CACNA1D: variants seen among roughly 807,000 people sequenced by gnomAD.
CACNA1D encodes the protein calcium voltage-gated channel subunit alpha1 D.
A neutral mutation model predicts 257.1 loss-of-function variants in CACNA1D; 55 were observed. The observed-to-expected ratio is 0.21, with a 90% CI of 0.17 to 0.27. The LOEUF (loss-of-function observed/expected upper bound fraction) is 0.27, where lower values mean the gene tolerates loss of function less well. Ranked by LOEUF, CACNA1D falls within the 10% of genes least tolerant of loss-of-function variation. The probability of loss-of-function intolerance (pLI) is 1.00; values close to 1 mark genes in which losing one functional copy is unlikely to be tolerated. For missense variants in CACNA1D, 1,876 were observed against 2,784.0 expected, an observed-to-expected ratio of 0.67 and a Z score of 7.34; for synonymous variants, 980 against 1,014.9, an observed-to-expected ratio of 0.97 and a Z score of 0.65.
intron 8 of CACNA1D, among the ~76,000 whole-genome samples, chr3:53,696,287 C>T (rs1446720364): frequency 6.6e-6 from 1 of 152,228 alleles, no homozygotes; most frequent in South Asian, 2.1e-4. Flanking sequence ...GGTTTTGATC[C>T]TCATCCTCCT....
Position 53,602,796 on chromosome 3 carries a change from CT to C in CACNA1D, c.484-47975del, listed in dbSNP as rs112085861. Among the ~76,000 whole-genome samples, 491 of 152,130 alleles carry C rather than the reference CT, an allele frequency of 3.2e-3. 2 individuals carry two copies. The highest frequency in any genetic ancestry group is 0.011 in the African/African-American group (456 of 41,486). ...TCTTTTGCCCATTTTTTAAATTGGG[CT>C]TTTTTTTCCCCCTATTGAGTTGTCT... On this transcript the variant is annotated intron_variant, in intron 3 of 47. Transcript: ENST00000350061.
intron 3 of CACNA1D, chr3:53,530,176 G>A (rs2091902002): frequency 6.6e-6 from 1 of 152,236 alleles, no homozygotes; most frequent in Non-Finnish European, 1.5e-5. Flanking sequence ...AGAAAACGAA[G>A]CATCAATTTC....
chr3:53,498,901 G>A (rs1440601526), intron 2 of CACNA1D, among the ~76,000 whole-genome samples: 2 of 152,160 alleles, frequency 1.3e-5, no homozygotes, highest in East Asian at 1.9e-4. Flanking sequence ...ACATAGCTGG[G>A]GTTGTGTGTG....
At chr3:53,779,407 ATGTG>A (rs139851282) in intron 37 of CACNA1D, among the ~76,000 whole-genome samples, 5 of 150,364 alleles carry the variant, frequency 3.3e-5, no homozygotes, top group Non-Finnish European at 5.9e-5. Flanking sequence ...ATATGTATGT[ATGTG>A]TGTGTGTGTG....
Position 53,742,004 on chromosome 3 carries a change from T to A in CACNA1D, c.2812-1007T>A, listed in dbSNP as rs79372128. Among the ~76,000 whole-genome samples the A allele has an allele frequency of 1.0e-2, 1,521 of 152,286 alleles. 30 individuals are homozygous for A. The highest frequency in any genetic ancestry group is 0.034 in the African/African-American group (1,398 of 41,542). On this transcript the variant is annotated intron_variant, in intron 21 of 47. Transcript: ENST00000350061. ...AGTCATTCTTCATTTTGAAGGTATT[T>A]TAGAGAATGGAAAATAAGCTAAAAC...
At chr3:53,635,897 G>A (rs375698713) in intron 3 of CACNA1D, among the ~76,000 whole-genome samples, 4 of 152,118 alleles carry the variant, frequency 2.6e-5, no homozygotes, top group African/African-American at 7.2e-5. Flanking sequence ...CTCGCTGCCC[G>A]ACCCTGCCTG....
intron 23 of CACNA1D, 47 bp from the exon 24 acceptor site, chr3:53,745,577 A>G (rs746464473): frequency 7.8e-7 from 1 of 1,274,582 alleles, no homozygotes; most frequent in Non-Finnish European, 1.1e-6. Context: ...GCTCACCTCA[A>G]GGCCAAAATC....
chr3:53,758,863 GTATCT>G, intron 29 of CACNA1D, among the ~76,000 whole-genome samples: 1 of 152,008 alleles, frequency 6.6e-6, no homozygotes, highest in South Asian at 2.1e-4. Flanking sequence ...GTCATTTCTT[GTATCT>G]TATCTTCTGG....
intron 3 of CACNA1D, among the ~76,000 whole-genome samples, chr3:53,548,302 G>A (rs1363149790): frequency 1.4e-5 from 2 of 146,906 alleles, no homozygotes; most frequent in South Asian, 4.3e-4. Flanking sequence ...CTGGAGAGCT[G>A]AATTTTCCAG....
intron 40 of CACNA1D, among the ~76,000 whole-genome samples, chr3:53,799,676 G>A (rs1343755443): frequency 2.6e-5 from 4 of 152,204 alleles, no homozygotes; most frequent in South Asian, 2.1e-4. Context: ...CTGCTCCGTC[G>A]TGGTCCGAGT....
At position 53,774,540 on chromosome 3, in the gene CACNA1D, T is replaced by C; in HGVS notation, c.4111-47T>C. The C allele has an allele frequency of 8.7e-7, 1 of 1,148,488 alleles. No homozygotes were observed. The highest frequency in any genetic ancestry group is 1.2e-5 in the South Asian group (1 of 81,758). 71.1% of individuals were successfully genotyped at this position (1,148,488 alleles called of 1,614,324 possible). On this transcript the variant is annotated intron_variant, in intron 33 of 47. Coordinates refer to ENST00000350061, the MANE Select transcript of CACNA1D (RefSeq NM_001128840.3). This position sits in a 1 kb window ranked among gnomAD's most constrained non-coding sequence, Gnocchi z 4.3. The stretch of plus-strand genomic sequence containing the variant: ...TCTAAATTCACATACGGATTTTTTT[T>C]GCATGACGAAATCTATTCTCTTTTT...
chr3:53,731,815 CCTT>C (rs2094995777), intron 17 of CACNA1D, among the ~76,000 whole-genome samples, 198 bp from the exon 18 acceptor site: 2 of 152,340 alleles, frequency 1.3e-5, no homozygotes, highest in Admixed American at 1.3e-4. Flanking sequence ...CAGGGTTCAG[CCTT>C]CTTCTCACCT....
intron 22 of CACNA1D, among the ~76,000 whole-genome samples, chr3:53,743,446 G>A (rs1013667143): frequency 2.6e-5 from 4 of 152,234 alleles, no homozygotes; most frequent in Admixed American, 2.6e-4. Flanking sequence ...GGCCTTGAGG[G>A]CATCCTCTCT....
In CACNA1D at chr3:53,718,359, C is replaced by T. The variant is rs780947853; in HGVS notation, c.1449C>T (p.Gly483=). The T allele has an allele frequency of 4.3e-6, 7 of 1,614,106 alleles. No homozygotes were observed. Among genetic ancestry groups the T allele is most frequent in the East Asian group, 4.5e-5 (2 of 44,888 alleles). The change falls in exon 10 of 48, where the codon GGC becomes GGT. Residue 483 remains glycine (G), a synonymous_variant. Transcript: ENST00000350061. The stretch of plus-strand genomic sequence containing the variant: ...ACACAGAGAACGTCAGCGGTGAAGG[C>T]GAGAACCGAGGCTGCTGTGGAAGTC... ...SVNTENVSGE[G]ENRGCCGSLC...
rs1018331644 is a variant in CACNA1D, at chr3:53,673,875, G to A, written c.1220+749G>A. 6.7e-6 allele frequency: 7 copies of A among 1,038,018 alleles called. No homozygotes were observed. Among genetic ancestry groups the A allele is most frequent in the African/African-American group, 1.6e-5 (1 of 63,816 alleles). 64.3% of individuals were successfully genotyped at this position (1,038,018 alleles called of 1,614,324 possible). ...GCTGCCACGTGTGAGGCAACTCTGCGTGTCTCCTAGCTGCTCCCTGACAGC... is the reference window on the plus strand; with the variant it reads ...GCTGCCACGTGTGAGGCAACTCTGCATGTCTCCTAGCTGCTCCCTGACAGC... On this transcript the variant is annotated intron_variant, in intron 8 of 47. Transcript: ENST00000350061. The surrounding 1 kb of genome is among the most constrained non-coding windows in gnomAD (Gnocchi z 4.1).
intron 29 of CACNA1D, 72 bp from the exon 30 acceptor site, chr3:53,761,926 G>T: frequency 9.4e-7 from 1 of 1,064,148 alleles, no homozygotes. Flanking sequence ...ACTCGGATTC[G>T]CCCCTATACG....
intron 40 of CACNA1D, chr3:53,791,345 G>T (rs951405029): frequency 3.5e-5 from 9 of 257,792 alleles, no homozygotes; most frequent in Non-Finnish European, 4.4e-5. Context: ...AGCAAAGGAG[G>T]GGGGCAGCTG....
intron 3 of CACNA1D, among the ~76,000 whole-genome samples, chr3:53,550,386 C>T (rs1451433792): frequency 6.6e-6 from 1 of 152,204 alleles, no homozygotes. Context: ...GTCTCACTCC[C>T]TCAGCACCAT....
intron 3 of CACNA1D, among the ~76,000 whole-genome samples, chr3:53,588,495 G>T (rs764603971): frequency 6.6e-6 from 1 of 152,098 alleles, no homozygotes; most frequent in Non-Finnish European, 1.5e-5. Context: ...CCTTCTGCCT[G>T]GGGGAGTAGA....
Sources: allele counts gnomAD v4.1 joint callset (sites outside exome capture counted in the v4.1 genomes callset), GRCh38; gene constraint gnomAD v4.1.1; non-coding constraint Gnocchi (gnomAD v3.1); transcripts MANE v1.5; gene names NCBI Gene and HGNC (gene_info 2026-07-23, HGNC 2026-07-21).